The following GMPR variants were observed in gnomAD, a reference collection of about 807,000 sequenced individuals.
GMPR encodes the protein GMP reductase 1.
In GMPR, 31 loss-of-function variants were observed where a neutral mutation model predicts 38.4. The observed-to-expected ratio is 0.81, with a 90% confidence interval of 0.61 to 1.09. GMPR has a LOEUF of 1.09. Ranked by LOEUF, GMPR falls within the 50% of genes least tolerant of loss-of-function variation. The probability of loss-of-function intolerance (pLI) is 0.00; values close to 1 mark genes in which losing one functional copy is unlikely to be tolerated. For missense variants in GMPR, 468 were observed against 453.7 expected (o/e 1.03, Z -0.29); for synonymous variants, 162 against 173.3 (o/e 0.93, Z 0.51).
intron 5 of GMPR, among the ~76,000 whole-genome samples, chr6:16,277,460 T>G (rs551114758): frequency 1.3e-5 from 2 of 152,340 alleles, no homozygotes; most frequent in South Asian, 4.1e-4. Context: ...ACCTTTACCC[T>G]GTCCCCAGAG....
At chr6:16,255,500 G>A (rs1447607372) in intron 4 of GMPR, among the ~76,000 whole-genome samples, 1 of 152,152 alleles carries the variant, frequency 6.6e-6, no homozygotes, top group Non-Finnish European at 1.5e-5. Flanking sequence ...GTCTACTATC[G>A]ATGGTGAATC....
chr6:16,248,621 C>G (rs991717777), intron 2 of GMPR, among the ~76,000 whole-genome samples: 1 of 152,248 alleles, frequency 6.6e-6, no homozygotes, highest in Middle Eastern at 3.4e-3. Flanking sequence ...TAGGGGTGGT[C>G]TGTCGGATTC....
intron 4 of GMPR, chr6:16,264,451 G>C (rs1201321466): frequency 5.5e-6 from 1 of 180,628 alleles, no homozygotes; most frequent in Non-Finnish European, 1.1e-5. Flanking sequence ...TCCCAAGGGA[G>C]GTCCCCCGAT....
Position 16,250,291 on chromosome 6 carries a change from T to C in GMPR, c.215T>C (p.Met72Thr). 1.3e-6 allele frequency: 2 copies of C among 1,598,112 alleles called. No homozygotes were observed. Among genetic ancestry groups the C allele is most frequent in the Non-Finnish European group, 8.6e-7 (1 of 1,165,340 alleles). ...TGCTGTTTTGTTTTCTAGCACTCCA[T>C]GTTTACAGCAATTCATAAGCATTAC... is the stretch of plus-strand genomic sequence containing the variant. ...EMAAVMSQHS[M>T]FTAIHKHYSL... Residue 72 changes from methionine (M) to threonine (T), a missense_variant, in exon 3 of 9, where the codon ATG becomes ACG. By Grantham distance (81) the Met-to-Thr change is moderately conservative. Coordinates refer to ENST00000259727, the MANE Select transcript of GMPR (RefSeq NM_006877.4).
intron 3 of GMPR, 146 bp downstream of exon 3, chr6:16,250,513 A>C: frequency 1.6e-6 from 1 of 643,290 alleles, no homozygotes; most frequent in South Asian, 1.8e-5. Flanking sequence ...GGATTTGCTG[A>C]GAAAACTTGT....
At chr6:16,239,734 TC>T (rs1758610185) in intron 1 of GMPR, among the ~76,000 whole-genome samples, 1 of 152,194 alleles carries the variant, frequency 6.6e-6, no homozygotes, top group South Asian at 2.1e-4. Flanking sequence ...AGCAAAGAAG[TC>T]CGCTGCCCAC....
At chr6:16,247,420 G>C (rs1758780071) in intron 2 of GMPR, among the ~76,000 whole-genome samples, 1 of 151,492 alleles carries the variant, frequency 6.6e-6, no homozygotes, top group African/African-American at 2.4e-5. Context: ...TGTCGCCCAG[G>C]CTGGAGTACA....
chr6:16,280,372 C>G (rs1213888817), intron 6 of GMPR, among the ~76,000 whole-genome samples: 1 of 152,124 alleles, frequency 6.6e-6, no homozygotes, highest in Non-Finnish European at 1.5e-5. Flanking sequence ...AAATTTTTCA[C>G]CCACCCATCC....
At position 16,285,682 on chromosome 6, in the gene GMPR, TG is replaced by T; in HGVS notation, c.655-106del. The stretch of plus-strand genomic sequence containing the variant: ...GGGGAACTTGGGCCCGTGGGCTTGC[TG>T]GGGGCTGTGGTGGGTCTGAACCCCC... On this transcript the variant is annotated intron_variant, in intron 6 of 8. Coordinates refer to ENST00000259727, the MANE Select transcript of GMPR (RefSeq NM_006877.4). The T allele has an allele frequency of 1.4e-5, 12 of 832,642 alleles. No individual in the cohort carries two copies. In the South Asian group the frequency reaches 1.6e-4, roughly 11 times the overall value. 51.6% of individuals were successfully genotyped at this position (832,642 alleles called of 1,614,324 possible). A position where few individuals can be genotyped will look rare whatever the true frequency, so the allele number is the denominator to read the frequency against.
At chr6:16,251,153 G>A (rs996156648) in intron 3 of GMPR, among the ~76,000 whole-genome samples, 1 of 152,190 alleles carries the variant, frequency 6.6e-6, no homozygotes, top group African/African-American at 2.4e-5. Context: ...GTCTATCAGT[G>A]GGTGAAAGGA....
chr6:16,275,068 G>A (rs1759450192), intron 5 of GMPR, among the ~76,000 whole-genome samples: 1 of 152,140 alleles, frequency 6.6e-6, no homozygotes, highest in African/African-American at 2.4e-5. Context: ...GCAGAAGAAC[G>A]AGGTAGAGCC....
At chr6:16,267,101 C>T (rs1471192273) in intron 4 of GMPR, among the ~76,000 whole-genome samples, 3 of 152,032 alleles carry the variant, frequency 2.0e-5, no homozygotes, top group East Asian at 1.9e-4. Flanking sequence ...CTGTGGCTCA[C>T]GCCTGTAATC....
intron 8 of GMPR, among the ~76,000 whole-genome samples, chr6:16,293,028 C>G (rs969143482): frequency 6.6e-6 from 1 of 152,118 alleles, no homozygotes; most frequent in African/African-American, 2.4e-5. Flanking sequence ...CTCTCTCTCT[C>G]TCTCTCTCTC....
At chr6:16,272,460 A>G (rs903096588) in intron 4 of GMPR, among the ~76,000 whole-genome samples, 4 of 152,228 alleles carry the variant, frequency 2.6e-5, no homozygotes, top group African/African-American at 7.2e-5. Flanking sequence ...GAAAACTCAT[A>G]CTACAATAAA....
At chr6:16,266,468 T>TCACTGAAAAAGGTGGCACG (rs1561827371) in intron 4 of GMPR, among the ~76,000 whole-genome samples, 5 of 95,484 alleles carry the variant, frequency 5.2e-5, no homozygotes, top group African/African-American at 2.2e-4. Flanking sequence ...GCTGTAACAC[T>TCACTGAAAAAGGTGGCACG]TCCTGTGGAA....
chr6:16,271,535 C>T (rs919318106), intron 4 of GMPR, among the ~76,000 whole-genome samples: 3 of 152,146 alleles, frequency 2.0e-5, no homozygotes, highest in African/African-American at 7.2e-5. Flanking sequence ...AGTAGCTTCT[C>T]TAAAGTTTTT....
intron 7 of GMPR, 23 bp downstream of exon 7, chr6:16,285,858 A>T (rs1054140166): frequency 5.0e-6 from 8 of 1,591,514 alleles, no homozygotes; most frequent in Non-Finnish European, 6.9e-6. Flanking sequence ...CCTGGTGCAG[A>T]GGGAGGGAAG....
intron 4 of GMPR, among the ~76,000 whole-genome samples, chr6:16,271,843 A>C (rs2113691855): frequency 6.6e-6 from 1 of 152,300 alleles, no homozygotes; most frequent in African/African-American, 2.4e-5. Context: ...CACTTTTTTT[A>C]ATAACAAAAT....
chr6:16,266,593 G>A (rs939815151), intron 4 of GMPR, among the ~76,000 whole-genome samples: 2 of 151,556 alleles, frequency 1.3e-5, no homozygotes, highest in Admixed American at 1.3e-4. Context: ...ACCAGGTCAG[G>A]AGATCATAAC....
Sources: gnomAD v4.1 joint callset for allele counts (sites outside exome capture counted in the v4.1 genomes callset) on GRCh38, gnomAD v4.1.1 for gene constraint, MANE v1.5 for transcripts, NCBI Gene and HGNC (gene_info 2026-07-23, HGNC 2026-07-21) for gene names.